Variants in DIS3L observed in about 807,000 individuals in gnomAD.
DIS3L encodes DIS3 like exosome 3'-5' exoribonuclease, also known as DIS3-like exonuclease 1.
DIS3L carries 100 observed loss-of-function variants against 120.3 expected under a neutral mutation model. The ratio of observed to expected loss-of-function variants is 0.83; its 90% confidence interval spans 0.71 to 0.98. The LOEUF (loss-of-function observed/expected upper bound fraction) is 0.98. Ranked by LOEUF, DIS3L falls within the 50% of genes least tolerant of loss-of-function variation. The pLI is 0.00. For synonymous variants in DIS3L, 426 were observed against 470.6 expected, an observed-to-expected ratio of 0.91 and a Z score of 1.23; for missense variants, 1,196 against 1,314.2, an observed-to-expected ratio of 0.91 and a Z score of 1.39.
At chr15:66,327,015 C>T (rs1291386536) in intron 12 of DIS3L, among the ~76,000 whole-genome samples, 3 of 151,980 alleles carry the variant, frequency 2.0e-5, no homozygotes, top group Admixed American at 6.6e-5. Flanking sequence ...CTGCAACCTC[C>T]GCCTCCCAGG....
rs1222660253 is a variant in DIS3L at position 66,332,951 on chromosome 15, T to C, written c.2856+41T>C. On this transcript the variant is annotated intron_variant, in intron 16 of 16. Coordinates refer to ENST00000319212, the MANE Select transcript of DIS3L (RefSeq NM_001143688.3). ...TATTAAGTATTATTAATATTTTAAA[T>C]GTAAGGAATAAATAATGTGATTTAG... 5 of 1,579,332 alleles carry C rather than the reference T, an allele frequency of 3.2e-6. No homozygotes were observed. The East Asian group carries it at 9.2e-5, about 29-fold the overall frequency.
chr15:66,332,020 G>A lies in DIS3L; in HGVS notation c.2681G>A (p.Arg894Lys). 2 of 1,605,402 alleles carry A rather than the reference G, an allele frequency of 1.2e-6. No homozygotes were observed. Among genetic ancestry groups the A allele is most frequent in the South Asian group, 2.2e-5 (2 of 90,090 alleles). ...AATGGTGTGCTTCTATTTATACCAA[G>A]GTATGTTACATCTAATGCAATGGTG... ...RTNGVLLFIP[R>K]FGIKGAAYLK... Residue 894 changes from arginine to lysine, a missense_variant and splice_region_variant, in exon 15 of 17, where the codon AGG (arginine) becomes AAG (lysine). Arg to Lys is a conservative substitution (Grantham distance 26). Transcript: ENST00000319212.
intron 2 of DIS3L, among the ~76,000 whole-genome samples, chr15:66,298,877 G>A (rs572215234): frequency 1.4e-4 from 21 of 152,336 alleles, no homozygotes; most frequent in African/African-American, 4.8e-4. Flanking sequence ...GGGTACAGTG[G>A]CGAACCAAAG....
chr15:66,323,589 A>T lies in DIS3L; in HGVS notation c.1667+4A>T. ...CCCTTCTGGGAGGCGTTGATAGGTG[A>T]GTTTATGGCTTTTGTCTTCAAAGCT... On this transcript the variant is annotated splice_donor_region_variant and intron_variant, in intron 11 of 16. Transcript: ENST00000319212. The T allele has an allele frequency of 6.2e-7, 1 of 1,613,908 alleles. No homozygotes were observed.
chr15:66,312,775 C>T (rs187875902), intron 5 of DIS3L, among the ~76,000 whole-genome samples: 42 of 152,254 alleles, frequency 2.8e-4, no homozygotes, highest in African/African-American at 9.9e-4. Context: ...TCCACCACCA[C>T]AATCAAGATA....
At chr15:66,314,892 C>T in intron 6 of DIS3L, 144 bp from the exon 7 acceptor site, 1 of 820,390 alleles carries the variant, frequency 1.2e-6, no homozygotes, top group Non-Finnish European at 1.9e-6. Context: ...ACCTGCAGAA[C>T]AAAAGTTTGA....
intron 1 of DIS3L, 200 bp downstream of exon 1, chr15:66,293,935 G>GCC: frequency 2.0e-6 from 2 of 997,570 alleles, no homozygotes; most frequent in South Asian, 9.3e-5. Flanking sequence ...CTTCTGGGGC[G>GCC]CCCGGGACTC....
intron 7 of DIS3L, among the ~76,000 whole-genome samples, chr15:66,317,670 T>C (rs913804834): frequency 2.0e-5 from 3 of 151,834 alleles, no homozygotes; most frequent in Non-Finnish European, 4.4e-5. Context: ...ATACTGACAA[T>C]GTTATTTTAA....
Position 66,314,097 on chromosome 15 carries a change from G to A in DIS3L, c.794G>A (p.Gly265Glu). The change falls in exon 6 of 17, where the codon GGA (glycine) becomes GAA (glutamate). Residue 265 changes from glycine (G) to glutamate (E), a missense_variant. Physicochemically the swap from Gly to Glu is moderately conservative, Grantham distance 98. Coordinates refer to ENST00000319212, the MANE Select transcript of DIS3L (RefSeq NM_001143688.3). ...ATAGAAGCTTTTGTTCGACTTCAAG[G>A]AGCCAGCAGTAAAGATTCAGGTTCA... Reference protein sequence around the residue: ...AQIEAFVRLQGASSKDSDLVS... With the variant: ...AQIEAFVRLQEASSKDSDLVS... 6.6e-7 allele frequency: 1 copy of A among 1,524,262 alleles called. No individual in the cohort carries two copies. Among genetic ancestry groups the A allele is most frequent in the Non-Finnish European group, 8.7e-7 (1 of 1,142,884 alleles). The allele number at this position is 1,524,262 out of a possible 1,614,324, so 94.4% of individuals were successfully genotyped here. A position where few individuals can be genotyped will look rare whatever the true frequency, so the allele number is the denominator to read the frequency against.
At chr15:66,332,506 G>C (rs972103933) in intron 15 of DIS3L, among the ~76,000 whole-genome samples, 9 of 83,138 alleles carry the variant, frequency 1.1e-4, no homozygotes, top group Admixed American at 2.9e-4. Flanking sequence ...GTGTGTGTGT[G>C]TGTGTGTGTA....
chr15:66,306,528 A>C (rs1456090812), intron 2 of DIS3L, among the ~76,000 whole-genome samples: 2 of 152,188 alleles, frequency 1.3e-5, no homozygotes, highest in Non-Finnish European at 1.5e-5. Context: ...AGGTGGTATA[A>C]TTACATAATA....
chr15:66,312,315 T>C (rs1007404801), intron 5 of DIS3L, among the ~76,000 whole-genome samples: 7 of 152,030 alleles, frequency 4.6e-5, no homozygotes, highest in African/African-American at 9.7e-5. Context: ...GCAAACAAGA[T>C]GGGCATGAGT....
chr15:66,297,512 A>C (rs2092600986), intron 2 of DIS3L, among the ~76,000 whole-genome samples: 1 of 152,234 alleles, frequency 6.6e-6, no homozygotes, highest in Non-Finnish European at 1.5e-5. Flanking sequence ...GGAAAGGCCA[A>C]ATCAAGCTAA....
chr15:66,328,968 A>G lies in DIS3L; in HGVS notation c.2202-2A>G. 1 of 1,609,958 alleles carries G rather than the reference A, an allele frequency of 6.2e-7. No individual in the cohort carries two copies. The highest frequency in any genetic ancestry group is 8.5e-7 in the Non-Finnish European group (1 of 1,178,950). ...GCTAACGGTTTTTCTGTTCTTTGTC[A>G]GGTCCAATAAAACACTGGCTGATTC... On this transcript the variant is annotated splice_acceptor_variant, in intron 12 of 16. Transcript: ENST00000319212. LOFTEE classifies it high-confidence loss of function.
Position 66,326,278 on chromosome 15 carries a change from G to A in DIS3L, c.2115G>A (p.Leu705=), listed in dbSNP as rs1214793894. ...KIWESFPHQA[L]LRQHPPPHQE... is the part of the protein sequence containing the mutation. The stretch of plus-strand genomic sequence containing the variant: ...GGGAGAGCTTCCCTCATCAGGCCTT[G>A]CTGCGCCAGCACCCTCCTCCACACC... The change falls in exon 12 of 17, where the codon TTG becomes TTA. Residue 705 remains leucine (L), a synonymous_variant. Transcript: ENST00000319212. 2 of 1,614,104 alleles carry A rather than the reference G, an allele frequency of 1.2e-6. No homozygotes were observed. Among genetic ancestry groups the A allele is most frequent in the African/African-American group, 2.7e-5 (2 of 75,026 alleles).
intron 2 of DIS3L, among the ~76,000 whole-genome samples, chr15:66,305,191 G>A (rs1249317065): frequency 6.6e-6 from 1 of 151,202 alleles, no homozygotes; most frequent in African/African-American, 2.4e-5. Context: ...TAGTAGAGAC[G>A]GGGTTTCACT....
chr15:66,323,545 C>G lies in DIS3L; in HGVS notation c.1627C>G (p.Leu543Val), dbSNP rs765745005. Reference protein sequence around the residue: ...DRRYDMLPSVLSADLCSLLGG... With the variant: ...DRRYDMLPSVVSADLCSLLGG... ...TCGCTATGACATGCTGCCTTCCGTC[C>G]TCAGTGCAGATTTGTGTTCCCTTCT... is the stretch of plus-strand genomic sequence containing the variant. The change falls in exon 11 of 17, where the codon CTC (leucine) becomes GTC (valine). Residue 543 changes from leucine to valine, a missense_variant. Leu to Val is a conservative substitution (Grantham distance 32). Transcript: ENST00000319212. 3 of 1,614,260 alleles carry G rather than the reference C, an allele frequency of 1.9e-6. No homozygotes were observed. Among genetic ancestry groups the G allele is most frequent in the Non-Finnish European group, 2.5e-6 (3 of 1,180,042 alleles).
intron 7 of DIS3L, among the ~76,000 whole-genome samples, chr15:66,317,187 A>AT (rs71139481): frequency 1.5e-3 from 212 of 142,838 alleles, no homozygotes; most frequent in Middle Eastern, 3.6e-3. Context: ...ACAACTTCAC[A>AT]TTTTTTTTTT....
Position 66,332,917 on chromosome 15 carries a change from CTG to C in DIS3L, c.2856+11_2856+12del, listed in dbSNP as rs761654650. On this transcript the variant is annotated splice_region_variant and intron_variant, in intron 16 of 16. Coordinates refer to ENST00000319212, the MANE Select transcript of DIS3L (RefSeq NM_001143688.3). Reference sequence around the variant, plus strand: ...TTTGTTTGACCATGTAACCGTAAGTCTGTGTTTCTATTAAGTATTATTAATAT... The same window carrying C: ...TTTGTTTGACCATGTAACCGTAAGTCTGTTTCTATTAAGTATTATTAATAT... The C allele has an allele frequency of 1.4e-5, 23 of 1,604,848 alleles. No homozygotes were observed. Among genetic ancestry groups the C allele is most frequent in the African/African-American group, 9.4e-5 (7 of 74,418 alleles).
Sources: gnomAD v4.1 joint callset for allele counts (sites outside exome capture counted in the v4.1 genomes callset) on GRCh38, gnomAD v4.1.1 for gene constraint, MANE v1.5 for transcripts, NCBI Gene and HGNC (gene_info 2026-07-23, HGNC 2026-07-21) for gene names.